ST8SIA1: variants seen among roughly 807,000 people sequenced by gnomAD.
The protein encoded by ST8SIA1 is ST8 alpha-N-acetyl-neuraminide alpha-2,8-sialyltransferase 1, also known as alpha-N-acetylneuraminide alpha-2,8-sialyltransferase.
ST8SIA1 carries 16 observed loss-of-function variants against 35.9 expected under a neutral mutation model. The ratio of observed to expected loss-of-function variants is 0.45; its 90% confidence interval spans 0.30 to 0.68. The LOEUF (loss-of-function observed/expected upper bound fraction) is 0.68, where lower values mean the gene tolerates loss of function less well. Ranked by LOEUF, ST8SIA1 falls within the 30% of genes least tolerant of loss-of-function variation. The pLI, the probability that ST8SIA1 is intolerant of heterozygous loss-of-function variation, is 0.09. For synonymous variants in ST8SIA1, 170 were observed against 169.6 expected (o/e 1.00, Z -0.02); for missense variants, 383 against 453.6 (o/e 0.84, Z 1.41).
intron 1 of ST8SIA1, among the ~76,000 whole-genome samples, chr12:22,292,953 A>G (rs900648490): frequency 6.6e-6 from 1 of 152,244 alleles, no homozygotes; most frequent in Non-Finnish European, 1.5e-5. Context: ...AGGAAGAAAA[A>G]AGACAGTGTT....
chr12:22,327,572 G>A (rs1866697919), intron 1 of ST8SIA1, among the ~76,000 whole-genome samples: 1 of 152,142 alleles, frequency 6.6e-6, no homozygotes, highest in African/African-American at 2.4e-5. Flanking sequence ...TTAACACCCT[G>A]CCTCACTGAG....
chr12:22,315,607 CTG>C, intron 1 of ST8SIA1, among the ~76,000 whole-genome samples: 1 of 152,042 alleles, frequency 6.6e-6, no homozygotes, highest in South Asian at 2.1e-4. Flanking sequence ...TCACAGTGAG[CTG>C]TGTTTCCTTT....
At chr12:22,298,182 A>G (rs1194899851) in intron 1 of ST8SIA1, among the ~76,000 whole-genome samples, 1 of 152,176 alleles carries the variant, frequency 6.6e-6, no homozygotes, top group Non-Finnish European at 1.5e-5. Context: ...TGCATCCTTC[A>G]TAATATCCTG....
chr12:22,309,414 T>C (rs11609191), intron 1 of ST8SIA1, among the ~76,000 whole-genome samples: 8 of 152,180 alleles, frequency 5.3e-5, no homozygotes, highest in Non-Finnish European at 1.0e-4. Context: ...TTGTGTCCTC[T>C]GCTTCACCTT....
intron 3 of ST8SIA1, among the ~76,000 whole-genome samples, chr12:22,252,453 A>G (rs555645088): frequency 6.6e-6 from 1 of 152,372 alleles, no homozygotes; most frequent in South Asian, 2.1e-4. Flanking sequence ...GAAATAATTT[A>G]TCAACTTTTA....
intron 4 of ST8SIA1, among the ~76,000 whole-genome samples, chr12:22,220,550 T>A (rs146613846): frequency 1.3e-5 from 2 of 152,282 alleles, no homozygotes; most frequent in South Asian, 2.1e-4. Flanking sequence ...AAAGTCTAAC[T>A]TTTTTCCCCC....
chr12:22,310,019 T>C (rs928525373), intron 1 of ST8SIA1, among the ~76,000 whole-genome samples: 17 of 152,132 alleles, frequency 1.1e-4, no homozygotes, highest in Non-Finnish European at 2.5e-4. Flanking sequence ...GCCAGACTGA[T>C]GTGATGGAAA....
Position 22,203,482 on chromosome 12 carries a change from G to A in ST8SIA1, c.585-1444C>T, listed in dbSNP as rs767366609. Among the ~76,000 whole-genome samples the A allele has an allele frequency of 2.1e-4, 32 of 152,144 alleles. 1 individual carries two copies. Among genetic ancestry groups the A allele is most frequent in the Non-Finnish European group, 3.8e-4 (26 of 68,034 alleles). On this transcript the variant is annotated intron_variant, in intron 4 of 4. Transcript: ENST00000396037. ...ATTATTGACTCTGCCTGCCCAGAAA[G>A]GTATGTTTCTCAAGGCCAGAAGGAA...
intron 1 of ST8SIA1, chr12:22,325,507 CTCATTA>C (rs971374473): frequency 1.4e-6 from 1 of 701,552 alleles, no homozygotes; most frequent in Non-Finnish European, 2.6e-6. Context: ...TCCTTCAAAA[CTCATTA>C]TCATTATCCA....
chr12:22,288,904 C>T (rs1866140138), intron 1 of ST8SIA1, among the ~76,000 whole-genome samples: 1 of 151,974 alleles, frequency 6.6e-6, no homozygotes, highest in Admixed American at 6.5e-5. Flanking sequence ...TGTTGTTGTC[C>T]TTGTTTTTTG....
intron 4 of ST8SIA1, chr12:22,223,370 T>C (rs1378395260): frequency 4.6e-6 from 1 of 218,012 alleles, no homozygotes; most frequent in Non-Finnish European, 7.8e-6. Context: ...GTGTGGTGCA[T>C]GTATGGACTG....
intron 4 of ST8SIA1, among the ~76,000 whole-genome samples, chr12:22,239,821 T>A (rs776209148): frequency 2.6e-5 from 4 of 152,214 alleles, no homozygotes; most frequent in Non-Finnish European, 2.9e-5. Context: ...GCTACTGACC[T>A]GGAACCACAA....
chr12:22,262,225 T>C (rs1231192596), intron 2 of ST8SIA1, among the ~76,000 whole-genome samples: 1 of 152,180 alleles, frequency 6.6e-6, no homozygotes, highest in African/African-American at 2.4e-5. Context: ...ACAAAATGAC[T>C]TATGGAAAAA....
intron 1 of ST8SIA1, among the ~76,000 whole-genome samples, chr12:22,308,206 C>T (rs1866407894): frequency 2.0e-5 from 3 of 152,106 alleles, no homozygotes; most frequent in Middle Eastern, 3.2e-3. Flanking sequence ...GTGTCATGAA[C>T]ATGTTTTATC....
intron 4 of ST8SIA1, among the ~76,000 whole-genome samples, chr12:22,205,867 T>G (rs1865101821): frequency 6.6e-6 from 1 of 152,164 alleles, no homozygotes; most frequent in South Asian, 2.1e-4. Context: ...GTTGTAAAAT[T>G]TCATTACCAT....
intron 2 of ST8SIA1, among the ~76,000 whole-genome samples, chr12:22,265,500 T>C (rs78853591): frequency 0.013 from 1,989 of 152,338 alleles, 48 homozygotes; most frequent in African/African-American, 0.045. Context: ...CCTATGACAA[T>C]TGGCAAGTTA....
chr12:22,300,274 T>C (rs1390651178), intron 1 of ST8SIA1, among the ~76,000 whole-genome samples: 5 of 152,130 alleles, frequency 3.3e-5, no homozygotes, highest in Admixed American at 3.3e-4. Flanking sequence ...ACTGCATTCC[T>C]GAGACACAAG....
chr12:22,250,840 T>C lies in ST8SIA1; in HGVS notation c.492-1742A>G, dbSNP rs544646233. ...ATAAGATACTGGTTTTTCTGGTAGCTACCAACAGGTCAGTTAACCAGTCAG... is the reference window on the plus strand; with the variant it reads ...ATAAGATACTGGTTTTTCTGGTAGCCACCAACAGGTCAGTTAACCAGTCAG... On this transcript the variant is annotated intron_variant, in intron 3 of 4. Coordinates refer to ENST00000396037, the MANE Select transcript of ST8SIA1 (RefSeq NM_003034.4). 4.6e-5 allele frequency: 7 copies of C among 152,312 alleles called. No homozygotes were observed. In the South Asian group the frequency reaches 1.4e-3, roughly 32 times the overall value. 9.4% of individuals were successfully genotyped at this position (152,312 alleles called of 1,614,324 possible). A position where few individuals can be genotyped will look rare whatever the true frequency, so the allele number is the denominator to read the frequency against.
intron 1 of ST8SIA1, among the ~76,000 whole-genome samples, chr12:22,312,880 C>T (rs17653482): frequency 0.33 from 49,954 of 151,934 alleles, 8,956 homozygotes; most frequent in Middle Eastern, 0.54. Context: ...TTTTAGTTAG[C>T]TTAGCAAAAA....
Sources: gnomAD v4.1 joint callset for allele counts (sites outside exome capture counted in the v4.1 genomes callset) on GRCh38, gnomAD v4.1.1 for gene constraint, MANE v1.5 for transcripts, NCBI Gene and HGNC (gene_info 2026-07-23, HGNC 2026-07-21) for gene names.